GATA4: variants seen among roughly 807,000 people sequenced by gnomAD.
GATA4 encodes transcription factor GATA-4.
A neutral mutation model predicts 37.9 loss-of-function variants in GATA4; 7 were observed. The observed-to-expected ratio is 0.18, with a 90% CI of 0.11 to 0.35. GATA4 has a LOEUF of 0.35. GATA4 is among the 10% of genes least tolerant of loss of function. The pLI is 1.00. For missense variants in GATA4, 647 were observed against 653.0 expected (o/e 0.99, Z 0.10); for synonymous variants, 372 against 292.6 (o/e 1.27, Z -2.77).
At chr8:11,700,970 C>T (rs191882969), upstream of GATA4, among the ~76,000 whole-genome samples, 3 of 152,282 alleles carry the variant, frequency 2.0e-5, no homozygotes, top group Admixed American at 2.0e-4. Flanking sequence ...GCTGGAAAAC[C>T]ATCAGTGGCT....
At chr8:11,728,083 C>G (rs1221695941) in intron 2 of GATA4, among the ~76,000 whole-genome samples, 1 of 151,562 alleles carries the variant, frequency 6.6e-6, no homozygotes, top group Non-Finnish European at 1.5e-5. Flanking sequence ...CTCTACCTCC[C>G]AGGTTCAAGC....
rs1321089468 is a variant in GATA4, at chr8:11,755,093, A to T, written c.960A>T (p.Lys320Asn). ...GGAAAGAGGGGATCCAAACCAGAAAACGGAAGCCCAAGAACCTGAATAAAT... is the reference window on the plus strand; with the variant it reads ...GGAAAGAGGGGATCCAAACCAGAAATCGGAAGCCCAAGAACCTGAATAAAT... ...AMRKEGIQTR[K>N]RKPKNLNKSK... The change falls in exon 5 of 7, where the codon AAA becomes AAT. Residue 320 changes from lysine to asparagine, a missense_variant. Lys to Asn is a moderately conservative substitution (Grantham distance 94). This residue lies in a region of GATA4 where 21 missense variants were observed against 62.6 expected (regional missense o/e 0.34). Transcript: ENST00000532059. 2 of 1,614,096 alleles carry T rather than the reference A, an allele frequency of 1.2e-6. No individual in the cohort carries two copies. The highest frequency in any genetic ancestry group is 1.7e-6 in the Non-Finnish European group (2 of 1,179,996).
chr8:11,680,794 C>A (rs1334386311), intron 1 of GATA4: 2 of 985,280 alleles, frequency 2.0e-6, no homozygotes, highest in African/African-American at 1.7e-5. Context: ...ACCCGCCCCT[C>A]GCCCTGCTCA....
Position 11,749,331 on chromosome 8 carries a change from C to A in GATA4, c.786+246C>A, listed in dbSNP as rs1316579911. 6.6e-6 allele frequency among the ~76,000 whole-genome samples: 1 copy of A among 152,196 alleles called. No individual in the cohort carries two copies. Among genetic ancestry groups the A allele is most frequent in the Non-Finnish European group, 1.5e-5 (1 of 68,036 alleles). ...AGGCTCAGAAAAGCTAGTGGCCTTG[C>A]CCACAGCCACTCAGGTACTGAGTCT... On this transcript the variant is annotated intron_variant, in intron 3 of 6. Transcript: ENST00000532059. This position sits in a 1 kb window ranked among gnomAD's most constrained non-coding sequence, Gnocchi z 4.6.
intron 2 of GATA4, among the ~76,000 whole-genome samples, chr8:11,729,150 T>C (rs1302383262): frequency 6.6e-6 from 1 of 152,168 alleles, no homozygotes; most frequent in Non-Finnish European, 1.5e-5. Context: ...GGAGAATCAC[T>C]TGAACCTGGT....
chr8:11,684,471 A>C (rs1013219361), intron 1 of GATA4, among the ~76,000 whole-genome samples: 1 of 152,232 alleles, frequency 6.6e-6, no homozygotes, highest in Middle Eastern at 3.2e-3. Flanking sequence ...TCTGAACCAT[A>C]AACTCATTAC....
chr8:11,734,023 C>T (rs1262013123), intron 2 of GATA4, among the ~76,000 whole-genome samples: 10 of 152,194 alleles, frequency 6.6e-5, no homozygotes, highest in African/African-American at 9.7e-5. Flanking sequence ...TATAGAATTT[C>T]GGCCAACTTG....
intron 3 of GATA4, 64 bp from the exon 4 acceptor site, chr8:11,750,045 ACG>A: frequency 1.2e-6 from 2 of 1,611,642 alleles, no homozygotes; most frequent in Non-Finnish European, 1.7e-6. Flanking sequence ...CCGCAGCCAC[ACG>A]CGAGGTGGAA....
intron 2 of GATA4, among the ~76,000 whole-genome samples, chr8:11,728,532 CT>C (rs879636084): frequency 1.0e-3 from 146 of 143,516 alleles, no homozygotes; most frequent in South Asian, 1.3e-3. Flanking sequence ...CCATACCCAG[CT>C]TTTTTTTTTT....
At chr8:11,677,340 C>G (rs1798817687) in intron 1 of GATA4, among the ~76,000 whole-genome samples, 1 of 152,240 alleles carries the variant, frequency 6.6e-6, no homozygotes, top group Non-Finnish European at 1.5e-5. Flanking sequence ...TGTGTCCCTC[C>G]TTCTTCCACT....
At position 11,707,412 on chromosome 8, in the gene GATA4, C is replaced by G. The variant is rs928362942; in HGVS notation, c.-457-444C>G. On this transcript the variant is annotated intron_variant, in intron 1 of 6. Transcript: ENST00000532059. The surrounding 1 kb of genome is among the most constrained non-coding windows in gnomAD (Gnocchi z 4.7). ...CCCCAAGGACAATCTAAAGTTCTTT[C>G]TAGGCCAGTCTCCCCATCTTTCTTG... Among the ~76,000 whole-genome samples, 1 of 151,598 alleles carries G rather than the reference C, an allele frequency of 6.6e-6. No homozygotes were observed. The highest frequency in any genetic ancestry group is 6.6e-5 in the Admixed American group (1 of 15,234).
chr8:11,724,408 C>T (rs1585630512), intron 2 of GATA4, among the ~76,000 whole-genome samples: 1 of 152,200 alleles, frequency 6.6e-6, no homozygotes, highest in Non-Finnish European at 1.5e-5. Context: ...AGAGACTGCA[C>T]CATTTTATAT....
chr8:11,725,266 C>A (rs1800861279), intron 2 of GATA4, among the ~76,000 whole-genome samples: 1 of 152,370 alleles, frequency 6.6e-6, no homozygotes, highest in African/African-American at 2.4e-5. Flanking sequence ...TTCCCAATAG[C>A]TTTATTTGCT....
chr8:11,701,111 C>T (rs146285065), upstream of GATA4, among the ~76,000 whole-genome samples: 1 of 152,050 alleles, frequency 6.6e-6, no homozygotes, highest in African/African-American at 2.4e-5. Context: ...GTCCCAAGAG[C>T]CTTAATGGAA....
At chr8:11,715,462 TC>T (rs1228888307) in intron 2 of GATA4, among the ~76,000 whole-genome samples, 1 of 152,176 alleles carries the variant, frequency 6.6e-6, no homozygotes, top group Non-Finnish European at 1.5e-5. Context: ...AAATTTCAAA[TC>T]ATCGGCTGGG....
At chr8:11,754,026 C>G (rs1294361412) in intron 4 of GATA4, among the ~76,000 whole-genome samples, 5 of 152,320 alleles carry the variant, frequency 3.3e-5, no homozygotes, top group Non-Finnish European at 7.4e-5. Context: ...CATTTTATCT[C>G]AGAACCTGGT....
intron 2 of GATA4, among the ~76,000 whole-genome samples, chr8:11,722,275 C>G (rs879389937): frequency 2.6e-5 from 4 of 152,210 alleles, no homozygotes; most frequent in Admixed American, 6.5e-5. Flanking sequence ...CACTTTCCCC[C>G]ACACAGTGTT....
chr8:11,749,988 C>T lies in GATA4; in HGVS notation c.787-123C>T. The T allele has an allele frequency of 7.5e-7, 1 of 1,330,458 alleles. No individual in the cohort carries two copies. The highest frequency in any genetic ancestry group is 1.2e-5 in the South Asian group (1 of 82,790). The allele number at this position is 1,330,458 out of a possible 1,614,324, so 82.4% of individuals were successfully genotyped here. On this transcript the variant is annotated intron_variant, in intron 3 of 6. Coordinates refer to ENST00000532059, the MANE Select transcript of GATA4 (RefSeq NM_001308093.3). The surrounding 1 kb of genome is among the most constrained non-coding windows in gnomAD (Gnocchi z 4.6). ...GCCGTCACAGGTCAGAGATCTCATG[C>T]AGGGTCGTTAGGGCCCAGCCCTGCC... is the stretch of plus-strand genomic sequence containing the variant.
Position 11,708,404 on chromosome 8 carries a change from G to T in GATA4, c.92G>T (p.Gly31Val), listed in dbSNP as rs762079374. 3.9e-6 allele frequency: 6 copies of T among 1,541,020 alleles called. 1 individual carries two copies. The South Asian group carries it at 7.1e-5, about 18-fold the overall frequency. ...CCCGGCGCCTTCATGCACGGCGCGG[G>T]CGCCGCGTCCTCGCCAGTCTACGTG... The part of the protein sequence containing the change: ...GGPGAFMHGA[G>V]AASSPVYVPT... The change falls in exon 2 of 7, where the codon GGC (glycine) becomes GTC (valine). Residue 31 changes from glycine to valine, a missense_variant. Gly to Val is a moderately radical substitution (Grantham distance 109). This residue lies in a region of GATA4 where 379 missense variants were observed against 334.5 expected (regional missense o/e 1.13). Transcript: ENST00000532059. The surrounding 1 kb of genome is among the most constrained non-coding windows in gnomAD (Gnocchi z 6.7).
Sources: gnomAD v4.1 joint callset for allele counts (sites outside exome capture counted in the v4.1 genomes callset) on GRCh38, gnomAD v4.1.1 for gene constraint, gnomAD v4.1.1 regional missense constraint, Gnocchi (gnomAD v3.1) non-coding constraint, MANE v1.5 for transcripts, NCBI Gene and HGNC (gene_info 2026-07-23, HGNC 2026-07-21) for gene names.